The following CHD7 variants were observed in gnomAD, a reference collection of about 807,000 sequenced individuals.
CHD7 encodes the protein chromodomain helicase DNA binding protein 7.
In CHD7, 24 loss-of-function variants were observed where a neutral mutation model predicts 307.3. That is an observed-to-expected ratio of 0.08 (90% CI 0.06 to 0.11). The LOEUF is 0.11. Ranked by LOEUF, CHD7 falls within the 10% of genes least tolerant of loss-of-function variation. CHD7 has a pLI of 1.00. For synonymous variants in CHD7, 1,363 were observed against 1,349.9 expected (o/e 1.01, Z -0.21); for missense variants, 3,106 against 3,727.1 (o/e 0.83, Z 4.34).
chr8:60,691,198 A>C (rs1806176746), intron 1 of CHD7, among the ~76,000 whole-genome samples: 1 of 152,208 alleles, frequency 6.6e-6, no homozygotes, highest in African/African-American at 2.4e-5. Flanking sequence ...CTGGGATTAC[A>C]GGTGTCTGTG....
In CHD7 at chr8:60,855,576, G is replaced by A. The variant is rs78718642; in HGVS notation, c.6937-399G>A. The stretch of plus-strand genomic sequence containing the variant: ...GCCTGTAGATCTGAAGGGCCAGGGC[G>A]GCAAGAAGCTAATGCAGGGTTTCCA... On this transcript the variant is annotated intron_variant, in intron 32 of 37. Coordinates refer to ENST00000423902, the MANE Select transcript of CHD7 (RefSeq NM_017780.4). Among the ~76,000 whole-genome samples, 4 of 152,172 alleles carry A rather than the reference G, an allele frequency of 2.6e-5. No homozygotes were observed. In the East Asian group the frequency reaches 5.8e-4, roughly 22 times the overall value.
At chr8:60,828,597 A>C (rs2150760904) in intron 13 of CHD7, 66 bp from the exon 14 acceptor site, 2 of 1,448,782 alleles carry the variant, frequency 1.4e-6, no homozygotes, top group Non-Finnish European at 1.9e-6. Context: ...GTCTAGTGAG[A>C]GGCTCTGGTT....
rs4509369 is a variant in CHD7, at chr8:60,821,736, A to G, written c.2698-54A>G. ...CATATATATACACATATATATGTATATGTATGTATGTGGTCAAATGAATCC... is the reference window on the plus strand; with the variant it reads ...CATATATATACACATATATATGTATGTGTATGTATGTGGTCAAATGAATCC... On this transcript the variant is annotated intron_variant, in intron 9 of 37. Transcript: ENST00000423902. 0.46 allele frequency: 670,812 copies of G among 1,470,134 alleles called. 160,108 individuals are homozygous for G. The highest frequency in any genetic ancestry group is 0.56 in the Admixed American group (26,752 of 48,086). 91.1% of individuals were successfully genotyped at this position (1,470,134 alleles called of 1,614,324 possible).
chr8:60,828,822 A>G lies in CHD7; in HGVS notation c.3522+16A>G. The G allele has an allele frequency of 6.2e-7, 1 of 1,607,118 alleles. No individual in the cohort carries two copies. Among genetic ancestry groups the G allele is most frequent in the Non-Finnish European group, 8.5e-7 (1 of 1,175,066 alleles). On this transcript the variant is annotated intron_variant, in intron 14 of 37. Transcript: ENST00000423902. The stretch of plus-strand genomic sequence containing the variant: ...AGAAGAGCAGGTATTTATCAGCTCC[A>G]CTTTGTATTTCAGTTATAAAATTGA...
intron 19 of CHD7, 113 bp downstream of exon 19, chr8:60,838,368 A>G: frequency 1.1e-6 from 1 of 950,992 alleles, no homozygotes; most frequent in South Asian, 1.6e-5. Flanking sequence ...CAAATTAATC[A>G]TTAACTCCCT....
At chr8:60,842,221 A>G (rs1460425019) in intron 21 of CHD7, among the ~76,000 whole-genome samples, 169 bp downstream of exon 21, 1 of 152,234 alleles carries the variant, frequency 6.6e-6, no homozygotes, top group Non-Finnish European at 1.5e-5. Context: ...TTTGGTTAAC[A>G]TAATCTAAGT....
intron 1 of CHD7, among the ~76,000 whole-genome samples, chr8:60,740,974 A>G (rs1808969982): frequency 6.6e-6 from 1 of 152,174 alleles, no homozygotes; most frequent in African/African-American, 2.4e-5. Context: ...GTTCTGTTTC[A>G]TCCAAGAATG....
At chr8:60,819,076 A>G (rs994988710) in intron 8 of CHD7, among the ~76,000 whole-genome samples, 3 of 151,828 alleles carry the variant, frequency 2.0e-5, no homozygotes, top group Non-Finnish European at 4.4e-5. Flanking sequence ...GCCTCAGCCT[A>G]CCGAGTAGCT....
intron 23 of CHD7, among the ~76,000 whole-genome samples, chr8:60,847,790 T>A (rs1012287131): frequency 6.6e-6 from 1 of 152,202 alleles, no homozygotes; most frequent in Non-Finnish European, 1.5e-5. Context: ...TTCTTGAGAA[T>A]GATTAAGAAT....
intron 28 of CHD7, 52 bp from the exon 29 acceptor site, chr8:60,851,967 G>C: frequency 7.8e-7 from 1 of 1,279,272 alleles, no homozygotes; most frequent in Non-Finnish European, 1.1e-6. Context: ...GGAATACTCT[G>C]TATTGCAAGA....
intron 19 of CHD7, among the ~76,000 whole-genome samples, chr8:60,841,190 T>C (rs1316305057): frequency 6.6e-6 from 1 of 152,266 alleles, no homozygotes; most frequent in Non-Finnish European, 1.5e-5. Context: ...CCTCACCAGC[T>C]CGACCTCTGG....
At chr8:60,858,379 C>T (rs1369383861) in intron 34 of CHD7, among the ~76,000 whole-genome samples, 4 of 152,216 alleles carry the variant, frequency 2.6e-5, no homozygotes, top group Non-Finnish European at 5.9e-5. Flanking sequence ...AATGGACTAG[C>T]TGTGACTTAC....
At chr8:60,830,765 GC>G (rs148709015) in intron 15 of CHD7, among the ~76,000 whole-genome samples, 188 bp downstream of exon 15, 98 of 152,296 alleles carry the variant, frequency 6.4e-4, no homozygotes, top group African/African-American at 2.3e-3. Flanking sequence ...AGTGACCATT[GC>G]CCCAGCAATC....
intron 25 of CHD7, 122 bp downstream of exon 25, chr8:60,849,276 G>T (rs866427340): frequency 3.6e-6 from 2 of 554,224 alleles, no homozygotes; most frequent in Non-Finnish European, 3.2e-6. Flanking sequence ...GACTCTTGGC[G>T]TCTACCATTT....
In CHD7 at chr8:60,807,910, G is replaced by C. The variant is rs116301551; in HGVS notation, c.2443-307G>C. Among the ~76,000 whole-genome samples the C allele has an allele frequency of 4.6e-3, 694 of 152,370 alleles. 9 individuals carry two copies. The highest frequency in any genetic ancestry group is 0.016 in the African/African-American group (645 of 41,590). On this transcript the variant is annotated intron_variant, in intron 6 of 37. Coordinates refer to ENST00000423902, the MANE Select transcript of CHD7 (RefSeq NM_017780.4). ...ACACTTGGCGTCTACTTAACACTGT[G>C]GGTTTGGCAGAAGGCCAAATTTGGG...
At chr8:60,855,890 C>G (rs1805676199) in intron 32 of CHD7, 85 bp from the exon 33 acceptor site, 1 of 881,438 alleles carries the variant, frequency 1.1e-6, no homozygotes, top group East Asian at 2.7e-5. Context: ...ATTTTATGCT[C>G]TTTTGCATCT....
chr8:60,855,913 TTATC>T (rs1805677552), intron 32 of CHD7, 58 bp from the exon 33 acceptor site: 2 of 1,096,668 alleles, frequency 1.8e-6, no homozygotes, highest in African/African-American at 1.6e-5. Context: ...ATGGATGTAT[TTATC>T]TAGTAATTTT....
chr8:60,819,956 C>A (rs1365176020), intron 8 of CHD7, 51 bp from the exon 9 acceptor site: 2 of 1,216,556 alleles, frequency 1.6e-6, no homozygotes, highest in South Asian at 1.3e-5. Flanking sequence ...AATAGTATTT[C>A]ATCTTAGGAA....
intron 1 of CHD7, among the ~76,000 whole-genome samples, chr8:60,689,130 A>G (rs1368699251): frequency 3.3e-5 from 5 of 152,196 alleles, no homozygotes; most frequent in Admixed American, 6.6e-5. Context: ...ATTTTATTCT[A>G]TTCTATTTCT....
Sources: gnomAD v4.1 joint callset for allele counts (sites outside exome capture counted in the v4.1 genomes callset) on GRCh38, gnomAD v4.1.1 for gene constraint, MANE v1.5 for transcripts, NCBI Gene and HGNC (gene_info 2026-07-23, HGNC 2026-07-21) for gene names.